SCNN1A: variants seen among roughly 807,000 people sequenced by gnomAD.
SCNN1A encodes the protein epithelial sodium channel subunit alpha.
In SCNN1A, 65 loss-of-function variants were observed where a neutral mutation model predicts 68.6. That is an observed-to-expected ratio of 0.95 (90% confidence interval 0.78 to 1.16). The LOEUF (loss-of-function observed/expected upper bound fraction) is 1.16. Among genes scored for constraint, SCNN1A ranks in the 50% most tolerant of loss-of-function variants. The pLI is 0.00. For missense variants in SCNN1A, 880 were observed against 865.9 expected (o/e 1.02, Z -0.20); for synonymous variants, 357 against 353.3 (o/e 1.01, Z -0.12).
In SCNN1A at chr12:6,374,811, A is replaced by G. The variant is rs61759919; in HGVS notation, c.-28T>C. 1,808 of 1,613,806 alleles carry G rather than the reference A, an allele frequency of 1.1e-3. 15 individuals carry two copies. The African/African-American group carries it at 0.022, about 19-fold the overall frequency. ...GACCTGGTATGGGCTGCAGAGGTCTAGGGTCCTGCTCCTCCAGCTTGTTCC... is the reference window on the plus strand; with the variant it reads ...GACCTGGTATGGGCTGCAGAGGTCTGGGGTCCTGCTCCTCCAGCTTGTTCC... On this transcript the variant is annotated 5_prime_UTR_variant, in exon 2 of 13. Coordinates refer to ENST00000228916, the MANE Select transcript of SCNN1A (RefSeq NM_001038.6). This position sits in a 1 kb window ranked among gnomAD's most constrained non-coding sequence, Gnocchi z 6.2.
At chr12:6,376,191 G>A (rs986384778), upstream of SCNN1A, 48 of 985,106 alleles carry the variant, frequency 4.9e-5, no homozygotes, top group Non-Finnish European at 5.7e-5. Flanking sequence ...TGGGAGCAGC[G>A]CACTCAGGTG....
At chr12:6,363,931 CTG>C (rs1481467719) in intron 2 of SCNN1A, 1 of 448,742 alleles carries the variant, frequency 2.2e-6, no homozygotes, top group Non-Finnish European at 3.9e-6. Context: ...AGCCGGGACA[CTG>C]TGGACTGTTT....
At chr12:6,377,154 A>G (rs1396350898), upstream of SCNN1A, 2 of 1,003,918 alleles carry the variant, frequency 2.0e-6, no homozygotes, top group Non-Finnish European at 3.0e-6. Context: ...TCAGGGTCCA[A>G]CCTGGTCTGT....
chr12:6,373,170 C>G (rs577839419), intron 2 of SCNN1A, among the ~76,000 whole-genome samples: 41 of 152,076 alleles, frequency 2.7e-4, no homozygotes, highest in African/African-American at 9.9e-4. Context: ...GACGTCCCAC[C>G]CTTTCTTAGT....
chr12:6,366,710 GA>G (rs1446821630), intron 2 of SCNN1A, among the ~76,000 whole-genome samples: 2 of 151,786 alleles, frequency 1.3e-5, no homozygotes, highest in African/African-American at 4.8e-5. Context: ...TGAGGCAGGA[GA>G]ATCGCTTGAA....
chr12:6,352,436 G>A (rs1184088369), intron 8 of SCNN1A, among the ~76,000 whole-genome samples: 1 of 152,176 alleles, frequency 6.6e-6, no homozygotes, highest in East Asian at 1.9e-4. Context: ...GGGGAAGTAA[G>A]CCCTAGGAAA....
upstream of SCNN1A, among the ~76,000 whole-genome samples, chr12:6,376,884 G>A (rs1007654620): frequency 1.3e-5 from 2 of 152,166 alleles, no homozygotes. Context: ...GATACACACC[G>A]GGGGAGGAGA....
intron 2 of SCNN1A, among the ~76,000 whole-genome samples, chr12:6,365,929 G>A (rs1280814948): frequency 6.6e-6 from 1 of 152,024 alleles, no homozygotes; most frequent in Non-Finnish European, 1.5e-5. Flanking sequence ...CGTGATCTCG[G>A]CTCACAAGCT....
intron 4 of SCNN1A, 52 bp downstream of exon 4, chr12:6,361,999 C>T (rs1948586576): frequency 6.3e-7 from 1 of 1,592,044 alleles, no homozygotes; most frequent in Non-Finnish European, 8.6e-7. Context: ...GTGAGGCTGA[C>T]CCAGGGAAGC....
chr12:6,349,310 G>A lies in SCNN1A; in HGVS notation c.1439+17C>T, dbSNP rs760370179. The A allele has an allele frequency of 6.2e-7, 1 of 1,613,588 alleles. No homozygotes were observed. The highest frequency in any genetic ancestry group is 2.2e-5 in the East Asian group (1 of 44,874). On this transcript the variant is annotated intron_variant, in intron 9 of 12. Transcript: ENST00000228916. ...CTGTATTCTACCCAACCTGTACCCG[G>A]GGAAGGGGACACTAACCTGCATGGC...
rs371759702 is a variant in SCNN1A, at chr12:6,362,019, G to A, written c.875+32C>T. ...GCTGACCCAGGGAAGCGGACCCCGC[G>A]GAGAGCAAGGAGCCAGGCAGGACTG... On this transcript the variant is annotated intron_variant, in intron 4 of 12. Coordinates refer to ENST00000228916, the MANE Select transcript of SCNN1A (RefSeq NM_001038.6). 28 of 1,611,026 alleles carry A rather than the reference G, an allele frequency of 1.7e-5. No individual in the cohort carries two copies. The African/African-American group carries it at 2.1e-4, about 12-fold the overall frequency.
At chr12:6,367,667 A>G (rs1460299435) in intron 2 of SCNN1A, among the ~76,000 whole-genome samples, 3 of 152,220 alleles carry the variant, frequency 2.0e-5, no homozygotes, top group East Asian at 1.9e-4. Context: ...GGAGTGTTCA[A>G]CATCTCGACT....
chr12:6,348,511 ATGCC>A (rs1163592610), intron 12 of SCNN1A, among the ~76,000 whole-genome samples: 1 of 145,566 alleles, frequency 6.9e-6, no homozygotes, highest in East Asian at 2.0e-4. Flanking sequence ...AGCATCTAGC[ATGCC>A]TGTCCCTCCC....
intron 3 of SCNN1A, 107 bp from the exon 4 acceptor site, chr12:6,362,348 A>G (rs1948594396): frequency 1.1e-5 from 11 of 975,008 alleles, no homozygotes; most frequent in Non-Finnish European, 1.8e-5. Context: ...ACTGACGGAC[A>G]GGAGTCGGAA....
At chr12:6,355,661 T>A (rs72657584) in intron 5 of SCNN1A, 116 bp downstream of exon 5, 1 of 918,192 alleles carries the variant, frequency 1.1e-6, no homozygotes, top group Admixed American at 1.7e-5. Flanking sequence ...GTGGCACCTA[T>A]TGGGGAGAGA....
chr12:6,376,053 T>G, upstream of SCNN1A: 2 of 992,518 alleles, frequency 2.0e-6, no homozygotes, highest in Non-Finnish European at 2.4e-6. Context: ...GAGTCCCAAG[T>G]GTGCTTCCAG....
intron 3 of SCNN1A, 62 bp downstream of exon 3, chr12:6,363,381 G>T: frequency 1.4e-6 from 2 of 1,419,592 alleles, no homozygotes; most frequent in South Asian, 1.5e-5. Flanking sequence ...CGGAGCCCAT[G>T]GGTGGGCGGG....
chr12:6,368,762 C>T (rs1032336937), intron 2 of SCNN1A, among the ~76,000 whole-genome samples: 1 of 152,188 alleles, frequency 6.6e-6, no homozygotes, highest in African/African-American at 2.4e-5. Context: ...AGAAAGAGCA[C>T]CCAAGCCAGA....
chr12:6,352,429 G>A (rs1473517053), intron 8 of SCNN1A, among the ~76,000 whole-genome samples: 1 of 152,146 alleles, frequency 6.6e-6, no homozygotes, highest in Non-Finnish European at 1.5e-5. Flanking sequence ...CTTCTCCGGG[G>A]AAGTAAGCCC....
Sources: allele counts gnomAD v4.1 joint callset (sites outside exome capture counted in the v4.1 genomes callset), GRCh38; gene constraint gnomAD v4.1.1; non-coding constraint Gnocchi (gnomAD v3.1); transcripts MANE v1.5; gene names NCBI Gene and HGNC (gene_info 2026-07-23, HGNC 2026-07-21).